SH3GLB2: variants seen among roughly 807,000 people sequenced by gnomAD.
SH3GLB2 encodes the protein SH3 domain containing GRB2 like, endophilin B2.
SH3GLB2 carries 24 observed loss-of-function variants against 48.0 expected under a neutral mutation model. The ratio of observed to expected loss-of-function variants is 0.50; its 90% CI spans 0.36 to 0.70. The LOEUF (loss-of-function observed/expected upper bound fraction) is 0.70. Ranked by LOEUF, SH3GLB2 falls within the 30% of genes least tolerant of loss-of-function variation. The pLI, the probability that SH3GLB2 is intolerant of heterozygous loss-of-function variation, is 0.00. For missense variants in SH3GLB2, 425 were observed against 516.0 expected (o/e 0.82, Z 1.71); for synonymous variants, 227 against 207.6 (o/e 1.09, Z -0.80).
At chr9:129,009,569 G>C in intron 9 of SH3GLB2, 2 of 1,540,416 alleles carry the variant, frequency 1.3e-6, no homozygotes, top group Non-Finnish European at 1.8e-6. Flanking sequence ...GAAACCCTCA[G>C]GGGCTCCAGG....
At chr9:129,018,357 C>T (rs1304774778) in intron 3 of SH3GLB2, among the ~76,000 whole-genome samples, 1 of 150,950 alleles carries the variant, frequency 6.6e-6, no homozygotes, top group Non-Finnish European at 1.5e-5. Context: ...GCGGGCGGAT[C>T]ACAAGGTCAG....
intron 1 of SH3GLB2, among the ~76,000 whole-genome samples, chr9:129,026,986 C>T (rs573879567): frequency 6.6e-5 from 10 of 151,880 alleles, no homozygotes; most frequent in African/African-American, 2.2e-4. Context: ...GGGGAGTGCC[C>T]GGGTTGGGGG....
chr9:129,019,215 C>G (rs1391890640), intron 3 of SH3GLB2, among the ~76,000 whole-genome samples: 2 of 151,594 alleles, frequency 1.3e-5, no homozygotes, highest in Non-Finnish European at 2.9e-5. Flanking sequence ...GCGAGATCCC[C>G]ATCTCTACAG....
At position 129,014,695 on chromosome 9, in the gene SH3GLB2, G is replaced by A. The variant is rs1843321666; in HGVS notation, c.468+76C>T. On this transcript the variant is annotated intron_variant, in intron 4 of 10. Coordinates refer to ENST00000372564, the MANE Select transcript of SH3GLB2 (RefSeq NM_020145.4). This position sits in a 1 kb window ranked among gnomAD's most constrained non-coding sequence, Gnocchi z 4.1. The stretch of plus-strand genomic sequence containing the variant: ...GAGTTTTGTAGCCCCAGCACTGGAA[G>A]AGAGCCTGTACTCAAAGGCTCTGAG... The A allele has an allele frequency of 3.8e-6, 6 of 1,560,146 alleles. No homozygotes were observed. The South Asian group carries it at 6.0e-5, about 15-fold the overall frequency.
Position 129,010,188 on chromosome 9 carries a change from C to T in SH3GLB2, c.670G>A (p.Ala224Thr), listed in dbSNP as rs772106425. 13 of 1,613,864 alleles carry T rather than the reference C, an allele frequency of 8.1e-6. No individual in the cohort carries two copies. In the South Asian group the frequency reaches 9.9e-5, roughly 12 times the overall value. ...GCTTGCCGGTCAAACTCTGTCTGGGCCACGCGGAGCTCCTGCTCGGCCTGG... is the reference window on the plus strand; with the variant it reads ...GCTTGCCGGTCAAACTCTGTCTGGGTCACGCGGAGCTCCTGCTCGGCCTGG... The part of the protein sequence containing the change: ...VDKAEQELRV[A>T]QTEFDRQAEV... Residue 224 changes from alanine to threonine, a missense_variant, in exon 8 of 11, where the codon GCC becomes ACC. Coordinates refer to ENST00000372564, the MANE Select transcript of SH3GLB2 (RefSeq NM_020145.4).
intron 6 of SH3GLB2, 79 bp downstream of exon 6, chr9:129,012,157 C>T: frequency 1.2e-6 from 1 of 859,564 alleles, no homozygotes. Context: ...GCTTCTAGCT[C>T]CTGTGCAGTC....
Position 129,008,600 on chromosome 9 carries a change from G to T in SH3GLB2, c.*84C>A. On this transcript the variant is annotated 3_prime_UTR_variant, in exon 11 of 11. Coordinates refer to ENST00000372564, the MANE Select transcript of SH3GLB2 (RefSeq NM_020145.4). Reference sequence around the variant, plus strand: ...AATTCTCCCCACTCTGAACAACTGTGTCACCAACAAACAAGTTAAGTGGCA... The same window carrying T: ...AATTCTCCCCACTCTGAACAACTGTTTCACCAACAAACAAGTTAAGTGGCA... 1 of 1,041,346 alleles carries T rather than the reference G, an allele frequency of 9.6e-7. No individual in the cohort carries two copies. The highest frequency in any genetic ancestry group is 1.5e-6 in the Non-Finnish European group (1 of 678,590). The allele number at this position is 1,041,346 out of a possible 1,614,324, so 64.5% of individuals were successfully genotyped here.
At chr9:129,023,833 C>A (rs375554248) in intron 1 of SH3GLB2, among the ~76,000 whole-genome samples, 10 of 152,190 alleles carry the variant, frequency 6.6e-5, no homozygotes, top group Non-Finnish European at 1.0e-4. Flanking sequence ...CTCCCTCCCC[C>A]ACCCTGGCTG....
intron 3 of SH3GLB2, among the ~76,000 whole-genome samples, chr9:129,016,606 C>T (rs1295873642): frequency 1.3e-5 from 2 of 150,588 alleles, no homozygotes; most frequent in Non-Finnish European, 3.0e-5. Context: ...CGCAGTGAAC[C>T]AAGATCGCAC....
chr9:129,010,059 T>G, intron 8 of SH3GLB2, 61 bp downstream of exon 8: 1 of 1,533,000 alleles, frequency 6.5e-7, no homozygotes, highest in Non-Finnish European at 9.0e-7. Flanking sequence ...GACCTTGTGG[T>G]TCAGGCACAC....
chr9:129,012,344 A>T, intron 5 of SH3GLB2, 46 bp from the exon 6 acceptor site: 1 of 1,215,934 alleles, frequency 8.2e-7, no homozygotes, highest in Non-Finnish European at 1.1e-6. Flanking sequence ...ACCCTGGGCC[A>T]GGGCCAGGGT....
intron 3 of SH3GLB2, among the ~76,000 whole-genome samples, chr9:129,016,709 T>C (rs1252961328): frequency 1.3e-5 from 2 of 151,732 alleles, no homozygotes; most frequent in Admixed American, 6.6e-5. Context: ...AAGTACACCA[T>C]GTATGCAGTA....
Position 129,014,402 on chromosome 9 carries a change from G to T in SH3GLB2, c.561+9C>A. 1.3e-6 allele frequency: 2 copies of T among 1,549,564 alleles called. No homozygotes were observed. Among genetic ancestry groups the T allele is most frequent in the Non-Finnish European group, 1.7e-6 (2 of 1,146,888 alleles). ...GGCCAGGAGGCCAGCGGGGAGCGGG[G>T]ACACCTACCGTGGCTTTGGCTTCTG... On this transcript the variant is annotated intron_variant, in intron 5 of 10. Coordinates refer to ENST00000372564, the MANE Select transcript of SH3GLB2 (RefSeq NM_020145.4). This position sits in a 1 kb window ranked among gnomAD's most constrained non-coding sequence, Gnocchi z 4.1.
At chr9:129,016,743 A>G (rs1395001220) in intron 3 of SH3GLB2, among the ~76,000 whole-genome samples, 1 of 152,164 alleles carries the variant, frequency 6.6e-6, no homozygotes, top group Non-Finnish European at 1.5e-5. Context: ...TAACGTGGCT[A>G]TACTACTACC....
intron 9 of SH3GLB2, 142 bp from the exon 10 acceptor site, chr9:129,009,488 G>C (rs1842975448): frequency 6.5e-7 from 1 of 1,548,952 alleles, no homozygotes; most frequent in African/African-American, 1.4e-5. Context: ...AAAGGGAAAA[G>C]CAAAGCAAGG....
chr9:129,022,217 A>G, intron 2 of SH3GLB2, 65 bp downstream of exon 2: 1 of 1,585,362 alleles, frequency 6.3e-7, no homozygotes. Flanking sequence ...CAACAGGGCC[A>G]GGCCTCCTAC....
intron 1 of SH3GLB2, among the ~76,000 whole-genome samples, chr9:129,027,052 G>GAC (rs1844205160): frequency 6.6e-6 from 1 of 152,122 alleles, no homozygotes; most frequent in African/African-American, 2.4e-5. Flanking sequence ...CAACGACAAA[G>GAC]ACAAGACTAC....
intron 1 of SH3GLB2, 88 bp downstream of exon 1, chr9:129,028,004 T>G: frequency 7.7e-7 from 1 of 1,295,240 alleles, no homozygotes. Context: ...CGGGAGGGCT[T>G]TCCCGCGTCC....
chr9:129,014,925 C>A lies in SH3GLB2; in HGVS notation c.335-21G>T. 1.2e-6 allele frequency: 2 copies of A among 1,609,010 alleles called. No homozygotes were observed. Among genetic ancestry groups the A allele is most frequent in the Non-Finnish European group, 1.7e-6 (2 of 1,177,400 alleles). On this transcript the variant is annotated intron_variant, in intron 3 of 10. Coordinates refer to ENST00000372564, the MANE Select transcript of SH3GLB2 (RefSeq NM_020145.4). The surrounding 1 kb of genome is among the most constrained non-coding windows in gnomAD (Gnocchi z 4.1). Reference sequence around the variant, plus strand: ...CTTCCCTGAGAAAACAGAGTTGAAGCGTGAGGAAGAAGGTCAGGCTCAGGC... The same window carrying A: ...CTTCCCTGAGAAAACAGAGTTGAAGAGTGAGGAAGAAGGTCAGGCTCAGGC...
Sources: gnomAD v4.1 joint callset for allele counts (sites outside exome capture counted in the v4.1 genomes callset) on GRCh38, gnomAD v4.1.1 for gene constraint, Gnocchi (gnomAD v3.1) non-coding constraint, MANE v1.5 for transcripts, NCBI Gene and HGNC (gene_info 2026-07-23, HGNC 2026-07-21) for gene names.